The following ACYP2 variants were observed in gnomAD, a reference collection of about 807,000 sequenced individuals.
The protein encoded by ACYP2 is acylphosphatase-2.
Under a neutral mutation model 11.2 loss-of-function variants are expected in ACYP2, and 12 were observed. That is an observed-to-expected ratio of 1.08 (90% CI 0.69 to 1.74). The LOEUF is 1.74. Ranked by LOEUF, ACYP2 falls within the 40% of genes most tolerant of loss-of-function variation. ACYP2 has a pLI of 0.00. For synonymous variants in ACYP2, 43 were observed against 32.2 expected, an observed-to-expected ratio of 1.33 and a Z score of -1.13; for missense variants, 134 against 101.9, an observed-to-expected ratio of 1.31 and a Z score of -1.35.
At chr2:54,214,506 C>A (rs1321462918) in intron 6 of ACYP2, among the ~76,000 whole-genome samples, 1 of 152,146 alleles carries the variant, frequency 6.6e-6, no homozygotes, top group African/African-American at 2.4e-5. Context: ...AGTCCTTTTC[C>A]CATTGCTTGT....
chr2:54,175,126 C>T (rs910931336), intron 6 of ACYP2, among the ~76,000 whole-genome samples: 4 of 152,104 alleles, frequency 2.6e-5, no homozygotes, highest in Admixed American at 2.6e-4. Flanking sequence ...CTTTGTACCT[C>T]TGGTAGAATT....
At chr2:54,109,406 G>A (rs1235123304) in intron 4 of ACYP2, among the ~76,000 whole-genome samples, 2 of 152,004 alleles carry the variant, frequency 1.3e-5, no homozygotes, top group Admixed American at 6.6e-5. Flanking sequence ...TTGGATACTC[G>A]GGGGAAAGGG....
At chr2:54,023,328 A>G (rs1365473011) in intron 2 of ACYP2, among the ~76,000 whole-genome samples, 1 of 152,096 alleles carries the variant, frequency 6.6e-6, no homozygotes, top group Non-Finnish European at 1.5e-5. Flanking sequence ...ATGTCACACT[A>G]ATTTTTTTTA....
chr2:54,118,517 T>G (rs1679947977), intron 4 of ACYP2, among the ~76,000 whole-genome samples: 1 of 152,258 alleles, frequency 6.6e-6, no homozygotes, highest in Non-Finnish European at 1.5e-5. Context: ...GGACAAGCCC[T>G]TAGTTGACAA....
Position 53,973,877 on chromosome 2 carries a change from G to A in ACYP2, c.62+67G>A, listed in dbSNP as rs1346347845. ...TATATGTGTGTGTGTGTGTGTGTGTGTGTGTGTGTGTGTGTGTGTGTGTGT... is the reference window on the plus strand; with the variant it reads ...TATATGTGTGTGTGTGTGTGTGTGTATGTGTGTGTGTGTGTGTGTGTGTGT... On this transcript the variant is annotated intron_variant, in intron 2 of 6. Coordinates refer to ENST00000607452, the MANE Select transcript of ACYP2 (RefSeq NM_001320586.2). 4 of 118,970 alleles carry A rather than the reference G, an allele frequency of 3.4e-5. 1 individual carries two copies. Among genetic ancestry groups the A allele is most frequent in the South Asian group, 3.3e-4 (1 of 3,058 alleles). 7.4% of individuals were successfully genotyped at this position (118,970 alleles called of 1,614,324 possible). A position where few individuals can be genotyped will look rare whatever the true frequency, so the allele number is the denominator to read the frequency against.
intron 6 of ACYP2, among the ~76,000 whole-genome samples, chr2:54,265,011 A>T (rs1172205127): frequency 6.6e-6 from 1 of 152,172 alleles, no homozygotes; most frequent in Non-Finnish European, 1.5e-5. Flanking sequence ...GAGAGGGAGG[A>T]AAGAAAATAT....
chr2:54,172,569 A>T (rs1463781625), intron 6 of ACYP2, among the ~76,000 whole-genome samples: 1 of 152,222 alleles, frequency 6.6e-6, no homozygotes, highest in Non-Finnish European at 1.5e-5. Context: ...GTGGATGAGT[A>T]GAATAAATTG....
chr2:54,103,072 C>T (rs1408598457), intron 4 of ACYP2, among the ~76,000 whole-genome samples: 3 of 152,074 alleles, frequency 2.0e-5, no homozygotes, highest in Non-Finnish European at 4.4e-5. Flanking sequence ...ATTAGCTCCC[C>T]TAAAATCACA....
chr2:54,128,758 A>AT (rs558759644), intron 4 of ACYP2, among the ~76,000 whole-genome samples: 12 of 148,620 alleles, frequency 8.1e-5, no homozygotes, highest in African/African-American at 9.9e-5. Flanking sequence ...CAAAGGAAGG[A>AT]TTTTTTTTTT....
chr2:54,264,761 G>T (rs1352603852), intron 6 of ACYP2, among the ~76,000 whole-genome samples: 1 of 152,204 alleles, frequency 6.6e-6, no homozygotes, highest in Admixed American at 6.5e-5. Flanking sequence ...TGGGGTAGGG[G>T]ACAGTAAAGC....
At chr2:54,217,130 C>G (rs1393584134) in intron 6 of ACYP2, among the ~76,000 whole-genome samples, 1 of 152,070 alleles carries the variant, frequency 6.6e-6, no homozygotes, top group Non-Finnish European at 1.5e-5. Context: ...CAAACCTGGT[C>G]TAGAAAAGTG....
intron 6 of ACYP2, among the ~76,000 whole-genome samples, chr2:54,177,562 G>T (rs921604190): frequency 7.9e-6 from 1 of 126,622 alleles, no homozygotes; most frequent in Non-Finnish European, 1.5e-5. Flanking sequence ...GCAGGACCAG[G>T]ACTGATACCT....
chr2:54,175,382 T>A (rs974253430), intron 6 of ACYP2, among the ~76,000 whole-genome samples: 5 of 152,138 alleles, frequency 3.3e-5, no homozygotes, highest in Admixed American at 6.5e-5. Flanking sequence ...TGATATCCCC[T>A]TTATCATTTG....
At chr2:54,037,260 C>T (rs1674952307) in intron 2 of ACYP2, among the ~76,000 whole-genome samples, 1 of 151,756 alleles carries the variant, frequency 6.6e-6, no homozygotes, top group African/African-American at 2.4e-5. Context: ...TTACAGGCGC[C>T]CACCACCATG....
At chr2:54,096,611 C>A (rs1292623710) in intron 4 of ACYP2, among the ~76,000 whole-genome samples, 1 of 152,140 alleles carries the variant, frequency 6.6e-6, no homozygotes, top group Non-Finnish European at 1.5e-5. Context: ...CTGGCGGATC[C>A]CTCGCGGTTA....
At chr2:54,047,328 T>G (rs1022790318) in intron 2 of ACYP2, among the ~76,000 whole-genome samples, 2 of 152,200 alleles carry the variant, frequency 1.3e-5, no homozygotes, top group Non-Finnish European at 2.9e-5. Context: ...TCTTATAAAT[T>G]TAAAAGAGTT....
intron 6 of ACYP2, chr2:54,254,169 TAACA>T (rs1238103031): frequency 6.6e-6 from 1 of 152,216 alleles, no homozygotes; most frequent in Non-Finnish European, 1.5e-5. Flanking sequence ...ACCACCTGTC[TAACA>T]AACAGTAGGG....
At chr2:54,135,748 T>C (rs1681190093) in intron 5 of ACYP2, among the ~76,000 whole-genome samples, 1 of 152,208 alleles carries the variant, frequency 6.6e-6, no homozygotes, top group Non-Finnish European at 1.5e-5. Flanking sequence ...GTGTATTGAA[T>C]ACAAAGTATG....
At chr2:53,975,537 C>T (rs540328612) in intron 2 of ACYP2, among the ~76,000 whole-genome samples, 36 of 152,160 alleles carry the variant, frequency 2.4e-4, no homozygotes, top group African/African-American at 7.0e-4. Context: ...GATAACAGCA[C>T]GTTATCCTTT....
Sources: allele counts gnomAD v4.1 joint callset (sites outside exome capture counted in the v4.1 genomes callset), GRCh38; gene constraint gnomAD v4.1.1; transcripts MANE v1.5; gene names NCBI Gene and HGNC (gene_info 2026-07-23, HGNC 2026-07-21).